VGLL4: variants seen among roughly 807,000 people sequenced by gnomAD.
VGLL4 encodes transcription cofactor vestigial-like protein 4.
In VGLL4, 7 loss-of-function variants were observed where a neutral mutation model predicts 21.0. The ratio of observed to expected loss-of-function variants is 0.33; its 90% confidence interval spans 0.19 to 0.63. The LOEUF is 0.63. VGLL4 is among the 20% of genes least tolerant of loss of function. The pLI is 0.78. For synonymous variants in VGLL4, 222 were observed against 173.2 expected (o/e 1.28, Z -2.21); for missense variants, 394 against 425.7 (o/e 0.93, Z 0.66).
intron 2 of VGLL4, among the ~76,000 whole-genome samples, chr3:11,581,509 C>T (rs1300192358): frequency 2.0e-5 from 3 of 152,218 alleles, no homozygotes; most frequent in African/African-American, 7.2e-5. Flanking sequence ...CCATTTTCAA[C>T]CCAGCTTCAT....
intron 2 of VGLL4, among the ~76,000 whole-genome samples, chr3:11,688,219 T>C (rs1373536905): frequency 6.6e-6 from 1 of 152,202 alleles, no homozygotes; most frequent in Non-Finnish European, 1.5e-5. Flanking sequence ...TACTCTCATA[T>C]CTATGTACTT....
chr3:11,672,414 G>A (rs943457246), intron 2 of VGLL4, among the ~76,000 whole-genome samples: 1 of 151,942 alleles, frequency 6.6e-6, no homozygotes, highest in Non-Finnish European at 1.5e-5. Context: ...TACTATTCTA[G>A]TATTTTCTTA....
intron 1 of VGLL4, among the ~76,000 whole-genome samples, chr3:11,635,661 A>G (rs1399752682): frequency 6.6e-6 from 1 of 152,218 alleles, no homozygotes; most frequent in Non-Finnish European, 1.5e-5. Flanking sequence ...TACCAGTATC[A>G]GCCCTCTTTT....
intron 2 of VGLL4, among the ~76,000 whole-genome samples, chr3:11,655,858 C>G (rs2075949828): frequency 6.6e-6 from 1 of 152,176 alleles, no homozygotes; most frequent in African/African-American, 2.4e-5. Flanking sequence ...CATCTCCCTC[C>G]CATTCACATC....
At chr3:11,641,896 A>C (rs1031114488) in intron 1 of VGLL4, among the ~76,000 whole-genome samples, 1 of 152,128 alleles carries the variant, frequency 6.6e-6, no homozygotes, top group East Asian at 1.9e-4. Context: ...TTTCCTAACA[A>C]TCTTATATTT....
chr3:11,591,362 G>T (rs570787955), intron 2 of VGLL4, among the ~76,000 whole-genome samples: 6 of 152,348 alleles, frequency 3.9e-5, no homozygotes, highest in African/African-American at 1.4e-4. Flanking sequence ...TAAAGCCTAA[G>T]TCCCCAGTGC....
At chr3:11,674,616 G>A (rs1294394514) in intron 2 of VGLL4, among the ~76,000 whole-genome samples, 6 of 152,088 alleles carry the variant, frequency 3.9e-5, no homozygotes, top group South Asian at 2.1e-4. Context: ...ACCTACACAC[G>A]TGTCCACTGC....
chr3:11,673,874 G>A (rs549126672), intron 2 of VGLL4, among the ~76,000 whole-genome samples: 51 of 152,028 alleles, frequency 3.4e-4, no homozygotes, highest in African/African-American at 1.2e-3. Context: ...TTAGCTGGGC[G>A]TGGTAGCGGC....
At chr3:11,672,179 A>G (rs1448867782) in intron 2 of VGLL4, among the ~76,000 whole-genome samples, 8 of 152,264 alleles carry the variant, frequency 5.3e-5, no homozygotes, top group Admixed American at 5.2e-4. Context: ...ATCATCCTGT[A>G]AAGATAACAA....
chr3:11,578,454 C>A (rs890982888), intron 2 of VGLL4, among the ~76,000 whole-genome samples: 2 of 152,120 alleles, frequency 1.3e-5, no homozygotes, highest in Non-Finnish European at 2.9e-5. Flanking sequence ...TTGGTAGGAA[C>A]CAGTTCGAAA....
At chr3:11,567,081 G>C (rs1418262409) in intron 2 of VGLL4, among the ~76,000 whole-genome samples, 1 of 152,150 alleles carries the variant, frequency 6.6e-6, no homozygotes, top group Non-Finnish European at 1.5e-5. Context: ...CACCAGAGGG[G>C]GCCTGAGTGC....
chr3:11,609,789 T>G (rs1268137808), intron 1 of VGLL4, among the ~76,000 whole-genome samples: 2 of 152,112 alleles, frequency 1.3e-5, no homozygotes, highest in Non-Finnish European at 2.9e-5. Context: ...ACCAAAATAA[T>G]GGTATTTATG....
At chr3:11,691,080 C>T (rs1308039042) in intron 2 of VGLL4, among the ~76,000 whole-genome samples, 1 of 151,774 alleles carries the variant, frequency 6.6e-6, no homozygotes, top group Non-Finnish European at 1.5e-5. Context: ...CATGTTACAT[C>T]CCACTTTTTC....
intron 1 of VGLL4, chr3:11,612,286 C>T (rs775631159): frequency 1.3e-4 from 19 of 151,962 alleles, no homozygotes; most frequent in Admixed American, 8.5e-4. Context: ...GTCTCATTTA[C>T]CCTGTTGGAT....
chr3:11,642,622 A>G (rs917406171), intron 1 of VGLL4, among the ~76,000 whole-genome samples: 1 of 152,254 alleles, frequency 6.6e-6, no homozygotes, highest in African/African-American at 2.4e-5. Context: ...CACTTTTTCA[A>G]ATCGCACGTA....
chr3:11,627,238 T>TCTCTCTCTCTCTCTCTCTCTCC (rs376306251), intron 1 of VGLL4: 104 of 144,588 alleles, frequency 7.2e-4, no homozygotes, highest in African/African-American at 2.6e-3. Context: ...ACACTCTCTC[T>TCTCTCTCTCTCTCTCTCTCTCC]CTCTCTCTCT....
chr3:11,720,133 AC>A lies in VGLL4; in HGVS notation c.-14+260del, dbSNP rs2076974344. Among the ~76,000 whole-genome samples the A allele has an allele frequency of 2.0e-5, 3 of 152,048 alleles. No individual in the cohort carries two copies. The East Asian group carries it at 5.9e-4, about 30-fold the overall frequency. On this transcript the variant is annotated intron_variant, in intron 1 of 5. Transcript: ENST00000273038. ...CAGTCCAACCAGACCCGTCCCGCGG[AC>A]CTGCTGCCCTTCCCGCCACACACAC...
In VGLL4 at chr3:11,578,358, G is replaced by A. The variant is rs141185851; in HGVS notation, c.273-13339C>T. ...AGACTTCCTTTCTGCGTCACGTGGTGTGTGGCAGTCTCCTCCTCCCCACAC... is the reference window on the plus strand; with the variant it reads ...AGACTTCCTTTCTGCGTCACGTGGTATGTGGCAGTCTCCTCCTCCCCACAC... On this transcript the variant is annotated intron_variant, in intron 2 of 4. Transcript: ENST00000430365. Among the ~76,000 whole-genome samples the A allele has an allele frequency of 3.5e-3, 533 of 152,274 alleles. 2 individuals are homozygous for A. The highest frequency in any genetic ancestry group is 6.1e-3 in the Non-Finnish European group (413 of 68,030).
At chr3:11,592,023 T>C (rs1225845599) in intron 2 of VGLL4, among the ~76,000 whole-genome samples, 2 of 152,242 alleles carry the variant, frequency 1.3e-5, no homozygotes, top group Non-Finnish European at 2.9e-5. Context: ...ACTTGTAAGA[T>C]ACAGTATGAA....
Sources: allele counts gnomAD v4.1 joint callset (sites outside exome capture counted in the v4.1 genomes callset), GRCh38; gene constraint gnomAD v4.1.1; transcripts MANE v1.5; gene names NCBI Gene and HGNC (gene_info 2026-07-23, HGNC 2026-07-21).